MS4A4A: variants seen among roughly 807,000 people sequenced by gnomAD.
MS4A4A encodes membrane-spanning 4-domains subfamily A member 4A.
Under a neutral mutation model 28.0 loss-of-function variants are expected in MS4A4A, and 26 were observed. The ratio of observed to expected loss-of-function variants is 0.93; its 90% CI spans 0.68 to 1.29. MS4A4A has a LOEUF of 1.29. Among genes scored for constraint, MS4A4A ranks in the 50% most tolerant of loss-of-function variants. MS4A4A has a pLI of 0.00. For synonymous variants in MS4A4A, 86 were observed against 100.8 expected, an observed-to-expected ratio of 0.85 and a Z score of 0.88; for missense variants, 290 against 293.1, an observed-to-expected ratio of 0.99 and a Z score of 0.08.
chr11:60,295,894 A>G (rs1160939205), intron 2 of MS4A4A, among the ~76,000 whole-genome samples: 1 of 152,050 alleles, frequency 6.6e-6, no homozygotes, highest in East Asian at 1.9e-4. Flanking sequence ...GTTTGCAGAT[A>G]TTTTGTTGAG....
intron 6 of MS4A4A, among the ~76,000 whole-genome samples, 173 bp downstream of exon 6, chr11:60,306,374 T>A (rs1348310884): frequency 2.0e-5 from 3 of 152,204 alleles, no homozygotes; most frequent in Non-Finnish European, 2.9e-5. Context: ...TACAAGGCTG[T>A]CATCAGGGAG....
intron 1 of MS4A4A, among the ~76,000 whole-genome samples, chr11:60,281,003 A>T (rs1414802370): frequency 6.6e-6 from 1 of 152,194 alleles, no homozygotes; most frequent in East Asian, 1.9e-4. Flanking sequence ...AGTCTTCAGG[A>T]TATCAAAACA....
intron 1 of MS4A4A, among the ~76,000 whole-genome samples, chr11:60,281,927 TA>T (rs908835053): frequency 1.5e-4 from 23 of 150,732 alleles, no homozygotes; most frequent in East Asian, 7.7e-4. Flanking sequence ...TCTCAGCAGT[TA>T]AAAAAAAAAT....
chr11:60,307,454 C>T (rs531346133), intron 6 of MS4A4A, among the ~76,000 whole-genome samples: 2 of 152,214 alleles, frequency 1.3e-5, no homozygotes, highest in South Asian at 2.1e-4. Context: ...TTGAGTGAAA[C>T]GTTTGGACAT....
At chr11:60,282,416 T>C (rs1368708462) in intron 1 of MS4A4A, among the ~76,000 whole-genome samples, 1 of 152,220 alleles carries the variant, frequency 6.6e-6, no homozygotes, top group Non-Finnish European at 1.5e-5. Context: ...TTTTGCAATG[T>C]AGAAGGAACA....
intron 2 of MS4A4A, among the ~76,000 whole-genome samples, chr11:60,294,892 A>ACTTCTTCCTCTTCTTCTTCTT (rs1554993356): frequency 1.5e-5 from 2 of 130,846 alleles, no homozygotes; most frequent in Admixed American, 1.6e-4. Flanking sequence ...TACAACTACT[A>ACTTCTTCCTCTTCTTCTTCTT]CTTCTTCTTC....
chr11:60,307,691 T>C (rs892993777), intron 6 of MS4A4A, among the ~76,000 whole-genome samples: 2 of 152,202 alleles, frequency 1.3e-5, no homozygotes, highest in African/African-American at 4.8e-5. Flanking sequence ...TTCTTAGTTT[T>C]GTGATGTGTG....
intron 3 of MS4A4A, 129 bp from the exon 4 acceptor site, chr11:60,300,872 C>A (rs2084947582): frequency 4.7e-6 from 3 of 637,198 alleles, no homozygotes; most frequent in Non-Finnish European, 5.3e-6. Flanking sequence ...AATGTGCAAA[C>A]CTTTGTGGTT....
intron 4 of MS4A4A, 29 bp downstream of exon 4, chr11:60,301,086 A>G: frequency 2.0e-6 from 3 of 1,490,786 alleles, no homozygotes; most frequent in Non-Finnish European, 2.7e-6. Context: ...TTTTGGTATC[A>G]AAAAAAGGAA....
intron 5 of MS4A4A, among the ~76,000 whole-genome samples, chr11:60,303,887 TTC>T (rs1390454097): frequency 6.6e-6 from 1 of 152,204 alleles, no homozygotes; most frequent in Admixed American, 6.5e-5. Context: ...ATCAGTTGCA[TTC>T]TGTTTACTTC....
chr11:60,292,391 T>C lies in MS4A4A; in HGVS notation c.201+7T>C. On this transcript the variant is annotated splice_region_variant and intron_variant, in intron 2 of 6. Coordinates refer to ENST00000337908, the MANE Select transcript of MS4A4A (RefSeq NM_148975.3). ...AGAACCCAAAGTCCTTGGGGTAAGT[T>C]GCAAATCTAGGGGAAGACCAATGGT... 1 of 1,585,400 alleles carries C rather than the reference T, an allele frequency of 6.3e-7. No individual in the cohort carries two copies. Among genetic ancestry groups the C allele is most frequent in the Non-Finnish European group, 8.6e-7 (1 of 1,168,364 alleles).
At chr11:60,302,502 T>C in intron 4 of MS4A4A, 57 bp from the exon 5 acceptor site, 2 of 1,535,032 alleles carry the variant, frequency 1.3e-6, no homozygotes, top group South Asian at 1.2e-5. Flanking sequence ...AAGTGATTCA[T>C]GGAGATATAT....
chr11:60,299,697 G>A (rs577997138), intron 3 of MS4A4A, among the ~76,000 whole-genome samples: 397 of 151,934 alleles, frequency 2.6e-3, no homozygotes, highest in Non-Finnish European at 4.7e-3. Flanking sequence ...TCCTGGTCTC[G>A]TGATCCACCC....
At chr11:60,303,433 C>T (rs903022867) in intron 5 of MS4A4A, among the ~76,000 whole-genome samples, 5 of 152,116 alleles carry the variant, frequency 3.3e-5, no homozygotes, top group African/African-American at 7.2e-5. Flanking sequence ...CCTGGCAGGG[C>T]GCAGTGGCTC....
At chr11:60,291,743 T>C (rs1163279978) in intron 1 of MS4A4A, among the ~76,000 whole-genome samples, 1 of 146,308 alleles carries the variant, frequency 6.8e-6, no homozygotes, top group African/African-American at 2.6e-5. Flanking sequence ...GGTTGCAGTG[T>C]GCCGAGATCG....
At chr11:60,299,529 A>G (rs757795995) in intron 3 of MS4A4A, among the ~76,000 whole-genome samples, 5 of 148,152 alleles carry the variant, frequency 3.4e-5, no homozygotes, top group Admixed American at 6.9e-5. Context: ...CTGGAGTGCA[A>G]TGGCACGATC....
intron 5 of MS4A4A, 109 bp downstream of exon 5, chr11:60,302,826 A>G: frequency 1.9e-6 from 2 of 1,046,114 alleles, no homozygotes; most frequent in South Asian, 1.6e-5. Flanking sequence ...TGACTTTGGG[A>G]AGTTGGAGTG....
At chr11:60,285,193 TTGTC>T (rs1427562095) in intron 1 of MS4A4A, among the ~76,000 whole-genome samples, 1 of 151,976 alleles carries the variant, frequency 6.6e-6, no homozygotes, top group Non-Finnish European at 1.5e-5. Context: ...ATTAACTACA[TTGTC>T]TGTGTTAAAA....
chr11:60,307,533 A>T (rs1312910528), intron 6 of MS4A4A, among the ~76,000 whole-genome samples: 1 of 152,144 alleles, frequency 6.6e-6, no homozygotes, highest in African/African-American at 2.4e-5. Context: ...CTCTTAGCAT[A>T]GGTGCTGGGG....
Sources: gnomAD v4.1 joint callset for allele counts (sites outside exome capture counted in the v4.1 genomes callset) on GRCh38, gnomAD v4.1.1 for gene constraint, MANE v1.5 for transcripts, NCBI Gene and HGNC (gene_info 2026-07-23, HGNC 2026-07-21) for gene names.